MCC: variants seen among roughly 807,000 people sequenced by gnomAD.
MCC encodes the protein MCC regulator of Wnt signaling pathway, also known as colorectal mutant cancer protein.
Under a neutral mutation model 116.2 loss-of-function variants are expected in MCC, and 90 were observed. That is an observed-to-expected ratio of 0.77 (90% CI 0.65 to 0.92). The LOEUF (loss-of-function observed/expected upper bound fraction) is 0.92, where lower values mean the gene tolerates loss of function less well. MCC is among the 40% of genes least tolerant of loss of function. The pLI, the probability that MCC is intolerant of heterozygous loss-of-function variation, is 0.00. For missense variants in MCC, 1,516 were observed against 1,312.2 expected (o/e 1.16, Z -2.40); for synonymous variants, 578 against 510.5 (o/e 1.13, Z -1.78).
chr5:113,411,749 T>C (rs921712694), intron 1 of MCC, among the ~76,000 whole-genome samples: 1 of 152,226 alleles, frequency 6.6e-6, no homozygotes, highest in Non-Finnish European at 1.5e-5. Flanking sequence ...GTAGTTTCTT[T>C]TGCTGTGCAG....
intron 1 of MCC, among the ~76,000 whole-genome samples, chr5:113,461,012 G>A (rs897829971): frequency 4.6e-5 from 7 of 152,106 alleles, no homozygotes; most frequent in Non-Finnish European, 7.4e-5. Context: ...CACATTTTTC[G>A]ACTCAGGAGG....
Position 113,314,458 on chromosome 5 carries a change from C to G in MCC, c.627+26061G>C, listed in dbSNP as rs538307163. Among the ~76,000 whole-genome samples, 4 of 152,324 alleles carry G rather than the reference C, an allele frequency of 2.6e-5. 1 individual carries two copies. In the South Asian group the frequency reaches 8.3e-4, roughly 32 times the overall value. On this transcript the variant is annotated intron_variant, in intron 3 of 18. Transcript: ENST00000408903. Reference sequence around the variant, plus strand: ...GTGTCAGCAGCTTCACCTGAAAGAACTGTTTTTGCTCAACTCCACACAGTA... The same window carrying G: ...GTGTCAGCAGCTTCACCTGAAAGAAGTGTTTTTGCTCAACTCCACACAGTA...
intron 3 of MCC, among the ~76,000 whole-genome samples, chr5:113,286,342 TC>T (rs1766261666): frequency 6.6e-6 from 1 of 152,234 alleles, no homozygotes; most frequent in South Asian, 2.1e-4. Flanking sequence ...CCATTCCTTT[TC>T]TAACTGCAAG....
intron 3 of MCC, among the ~76,000 whole-genome samples, chr5:113,157,670 T>G (rs903123701): frequency 6.6e-6 from 1 of 152,210 alleles, no homozygotes; most frequent in African/African-American, 2.4e-5. Flanking sequence ...ACTGCCAGCG[T>G]GCATCTATTG....
rs1044540645 is a variant in MCC at position 113,347,544 on chromosome 5, G to A, written c.416-6814C>T. ...GGGTTGTATTACTTGCAAGCCTTGC[G>A]GTAACATCAAATCAAAAAACATACA... On this transcript the variant is annotated intron_variant, in intron 2 of 18. Coordinates refer to ENST00000408903, the MANE Select transcript of MCC (RefSeq NM_001085377.2). Among the ~76,000 whole-genome samples the A allele has an allele frequency of 1.2e-4, 18 of 151,500 alleles. No homozygotes were observed. The South Asian group carries it at 1.9e-3, about 16-fold the overall frequency.
intron 3 of MCC, among the ~76,000 whole-genome samples, chr5:113,279,124 C>A (rs929401175): frequency 2.0e-5 from 3 of 150,976 alleles, no homozygotes; most frequent in Non-Finnish European, 4.4e-5. Context: ...AACCTCAGAA[C>A]TCTCCACACA....
At chr5:113,285,797 G>C (rs546477532) in intron 3 of MCC, among the ~76,000 whole-genome samples, 6 of 152,290 alleles carry the variant, frequency 3.9e-5, no homozygotes, top group Non-Finnish European at 8.8e-5. Flanking sequence ...GCATAGAACA[G>C]GGACTACATC....
chr5:113,385,280 GA>G lies in MCC; in HGVS notation c.171-69del, dbSNP rs989124382. 2.6e-3 allele frequency: 3,356 copies of G among 1,300,404 alleles called. 1 individual carries two copies. The highest frequency in any genetic ancestry group is 5.5e-3 in the South Asian group (356 of 64,488). The allele number at this position is 1,300,404 out of a possible 1,614,324, so 80.6% of individuals were successfully genotyped here. A position where few individuals can be genotyped will look rare whatever the true frequency, so the allele number is the denominator to read the frequency against. On this transcript the variant is annotated intron_variant, in intron 1 of 18. Coordinates refer to ENST00000408903, the MANE Select transcript of MCC (RefSeq NM_001085377.2). ...ATTTAAGCTAGAGAAACTGGTTAAT[GA>G]AAAAAAAAAGGTATTTCTTAAATAT... is the stretch of plus-strand genomic sequence containing the variant.
intron 3 of MCC, among the ~76,000 whole-genome samples, chr5:113,176,220 ATAAGAAC>A (rs1761324338): frequency 6.6e-6 from 1 of 150,428 alleles, no homozygotes; most frequent in South Asian, 2.1e-4. Flanking sequence ...AAAACATGAC[ATAAGAAC>A]AAGGGGGATC....
chr5:113,481,464 C>T (rs111226748), intron 1 of MCC, among the ~76,000 whole-genome samples: 31,224 of 151,952 alleles, frequency 0.21, 3,694 homozygotes, highest in Admixed American at 0.34. Context: ...TTTGGCCAGG[C>T]GCGGTGGCTC....
intron 1 of MCC, chr5:113,433,843 T>C (rs1428646697): frequency 1.2e-6 from 2 of 1,614,046 alleles, no homozygotes; most frequent in Non-Finnish European, 1.7e-6. Flanking sequence ...GACATTTGCA[T>C]TGCTGTCCCC....
chr5:113,132,541 T>G (rs375568272), intron 5 of MCC, among the ~76,000 whole-genome samples: 2 of 151,500 alleles, frequency 1.3e-5, no homozygotes, highest in Non-Finnish European at 2.9e-5. Context: ...CAACTGGTCA[T>G]GAGGCTATAG....
intron 3 of MCC, among the ~76,000 whole-genome samples, chr5:113,209,375 G>A (rs1763032054): frequency 6.6e-6 from 1 of 152,134 alleles, no homozygotes; most frequent in Admixed American, 6.5e-5. Flanking sequence ...GTCATGCTCT[G>A]CCTAAGCAAC....
chr5:113,461,744 TAAAAAAAAA>T (rs56312844), intron 1 of MCC, among the ~76,000 whole-genome samples: 2 of 118,818 alleles, frequency 1.7e-5, no homozygotes, highest in Middle Eastern at 4.6e-3. Context: ...CTTGCACCAG[TAAAAAAAAA>T]AAAAAAAAAA....
At chr5:113,223,647 A>T (rs1441624061) in intron 3 of MCC, among the ~76,000 whole-genome samples, 1 of 152,170 alleles carries the variant, frequency 6.6e-6, no homozygotes, top group Admixed American at 6.5e-5. Context: ...AATTCGATAA[A>T]GGGAAAGGGA....
In MCC at chr5:113,104,347, T is replaced by C. The variant is rs1462854826; in HGVS notation, c.1036A>G (p.Ser346Gly). The C allele has an allele frequency of 1.2e-6, 2 of 1,606,924 alleles. No individual in the cohort carries two copies. The highest frequency in any genetic ancestry group is 1.7e-4 in the Middle Eastern group (1 of 5,732). Residue 346 changes from serine to glycine, a missense_variant, in exon 7 of 19, where the codon AGT becomes GGT. Physicochemically the swap from Ser to Gly is moderately conservative, Grantham distance 56. Transcript: ENST00000408903. ...TMVTADMDNCSDLNSELQRVL... is the reference protein window; with the variant it reads ...TMVTADMDNCGDLNSELQRVL... ...CTCTGCAGTTCTGAGTTCAGGTCAC[T>C]GCAGTTGTCTGTGAGTGAATGAAGA...
chr5:113,093,535 G>C (rs1298278889), intron 8 of MCC, among the ~76,000 whole-genome samples: 1 of 152,026 alleles, frequency 6.6e-6, no homozygotes, highest in Non-Finnish European at 1.5e-5. Context: ...AGGAGCATAA[G>C]GGATTAGGCA....
At chr5:113,468,605 T>C (rs908601543) in intron 1 of MCC, among the ~76,000 whole-genome samples, 2 of 152,210 alleles carry the variant, frequency 1.3e-5, no homozygotes, top group Non-Finnish European at 2.9e-5. Flanking sequence ...TGAGGATTTT[T>C]GCATCGATGT....
Position 113,104,201 on chromosome 5 carries a change from C to T in MCC, c.1182G>A (p.Leu394=), listed in dbSNP as rs1284749256. 1.2e-6 allele frequency: 2 copies of T among 1,611,024 alleles called. No individual in the cohort carries two copies. The highest frequency in any genetic ancestry group is 2.2e-5 in the South Asian group (2 of 90,656). ...GGTGAGGAAGGTCTACCTTAATAGC[C>T]AGGTCACAGTGCTCGCTGGCTGTGG... ...QLTTASEHCD[L]AIKTVEEIEG... is the part of the protein sequence containing the mutation. The change falls in exon 7 of 19, where the codon CTG becomes CTA. Residue 394 remains leucine (L), a synonymous_variant. Coordinates refer to ENST00000408903, the MANE Select transcript of MCC (RefSeq NM_001085377.2).
Sources: allele counts gnomAD v4.1 joint callset (sites outside exome capture counted in the v4.1 genomes callset), GRCh38; gene constraint gnomAD v4.1.1; transcripts MANE v1.5; gene names NCBI Gene and HGNC (gene_info 2026-07-23, HGNC 2026-07-21).